The following COTL1 variants were observed in gnomAD, a reference collection of about 807,000 sequenced individuals.
COTL1 encodes the protein coactosin-like protein.
COTL1 carries 15 observed loss-of-function variants against 16.5 expected under a neutral mutation model. That is an observed-to-expected ratio of 0.91 (90% CI 0.61 to 1.40). The LOEUF (loss-of-function observed/expected upper bound fraction) is 1.40, where lower values mean the gene tolerates loss of function less well. Among genes scored for constraint, COTL1 ranks in the 40% most tolerant of loss-of-function variants. The probability of loss-of-function intolerance (pLI) is 0.00; values close to 1 mark genes in which losing one functional copy is unlikely to be tolerated. For missense variants in COTL1, 220 were observed against 201.5 expected, an observed-to-expected ratio of 1.09 and a Z score of -0.56; for synonymous variants, 112 against 85.3, an observed-to-expected ratio of 1.31 and a Z score of -1.73.
At chr16:84,607,813 G>A (rs1411938784) in intron 2 of COTL1, among the ~76,000 whole-genome samples, 1 of 152,138 alleles carries the variant, frequency 6.6e-6, no homozygotes, top group East Asian at 1.9e-4. Context: ...TCAGTACTTG[G>A]CAAAGGGCTT....
chr16:84,579,095 G>T (rs1161696573), intron 3 of COTL1, among the ~76,000 whole-genome samples: 1 of 151,894 alleles, frequency 6.6e-6, no homozygotes, highest in East Asian at 1.9e-4. Flanking sequence ...CCACACACAG[G>T]CATGCACACA....
At chr16:84,600,606 C>T (rs982044813) in intron 2 of COTL1, among the ~76,000 whole-genome samples, 2 of 152,224 alleles carry the variant, frequency 1.3e-5, no homozygotes, top group Non-Finnish European at 2.9e-5. Flanking sequence ...AGCCACTGCG[C>T]CCGGCCAAGG....
chr16:84,615,916 G>C (rs1008325419), intron 2 of COTL1: 1 of 151,508 alleles, frequency 6.6e-6, no homozygotes, highest in African/African-American at 2.4e-5. Context: ...TCCTCTAGTA[G>C]TCACACCACA....
At chr16:84,605,135 C>T (rs1308724720) in intron 2 of COTL1, among the ~76,000 whole-genome samples, 2 of 152,246 alleles carry the variant, frequency 1.3e-5, no homozygotes, top group East Asian at 3.9e-4. Flanking sequence ...CCCACGGCCC[C>T]CCATGGCCTG....
chr16:84,605,348 C>T (rs1905191423), intron 2 of COTL1, among the ~76,000 whole-genome samples: 1 of 152,212 alleles, frequency 6.6e-6, no homozygotes, highest in Non-Finnish European at 1.5e-5. Context: ...ACAGGGCCCG[C>T]GATGCTGGGT....
At chr16:84,570,871 G>C (rs899438194) in intron 3 of COTL1, among the ~76,000 whole-genome samples, 2 of 151,858 alleles carry the variant, frequency 1.3e-5, no homozygotes, top group African/African-American at 4.8e-5. Context: ...ATACCTAAAA[G>C]TCCTGTATTC....
rs1180701796 is a variant in COTL1, at chr16:84,617,965, G to A, written c.-51C>T. The A allele has an allele frequency of 8.0e-6, 11 of 1,373,828 alleles. No individual in the cohort carries two copies. In the East Asian group the frequency reaches 3.1e-4, roughly 38 times the overall value. The allele number at this position is 1,373,828 out of a possible 1,614,324, so 85.1% of individuals were successfully genotyped here. ...GTCCGGGGCGGCCGAGCGCGCCCCT[G>A]GCCGGCGGCGGGGATGGGAGCGCGG... On this transcript the variant is annotated 5_prime_UTR_variant, in exon 1 of 4. Coordinates refer to ENST00000262428, the MANE Select transcript of COTL1 (RefSeq NM_021149.5).
intron 3 of COTL1, among the ~76,000 whole-genome samples, chr16:84,585,738 T>C (rs1259204526): frequency 6.6e-6 from 1 of 152,196 alleles, no homozygotes; most frequent in Non-Finnish European, 1.5e-5. Flanking sequence ...ACCAGCAGAA[T>C]GGACCCTTTG....
At chr16:84,581,948 A>G (rs1904603688) in intron 3 of COTL1, among the ~76,000 whole-genome samples, 1 of 151,912 alleles carries the variant, frequency 6.6e-6, no homozygotes, top group Admixed American at 6.6e-5. Flanking sequence ...GGTAATACAC[A>G]AAGAGCCTAC....
At chr16:84,593,676 T>A (rs9646313) in intron 2 of COTL1, among the ~76,000 whole-genome samples, 1 of 151,836 alleles carries the variant, frequency 6.6e-6, no homozygotes, top group East Asian at 1.9e-4. Flanking sequence ...CACGCCCGGC[T>A]AATTTTTTGT....
intron 3 of COTL1, among the ~76,000 whole-genome samples, chr16:84,571,483 C>A (rs550673534): frequency 7.2e-5 from 11 of 152,294 alleles, no homozygotes; most frequent in African/African-American, 2.6e-4. Flanking sequence ...CCACTGCTCT[C>A]CACCCTTGCA....
intron 2 of COTL1, among the ~76,000 whole-genome samples, chr16:84,600,469 T>C (rs1386177703): frequency 6.6e-6 from 1 of 152,124 alleles, no homozygotes; most frequent in African/African-American, 2.4e-5. Flanking sequence ...CCTGCCACCA[T>C]GCTCGGCTAA....
intron 3 of COTL1, among the ~76,000 whole-genome samples, chr16:84,574,085 T>G (rs2150680907): frequency 6.6e-6 from 1 of 152,268 alleles, no homozygotes; most frequent in African/African-American, 2.4e-5. Context: ...GGAAGATCAC[T>G]TGAGCCTGGG....
chr16:84,589,004 T>C (rs1904798615), intron 3 of COTL1, among the ~76,000 whole-genome samples: 1 of 152,174 alleles, frequency 6.6e-6, no homozygotes, highest in Non-Finnish European at 1.5e-5. Context: ...AGGAATTCGC[T>C]CTGTTGCCCA....
chr16:84,606,957 C>T (rs1371959988), intron 2 of COTL1, among the ~76,000 whole-genome samples: 1 of 152,180 alleles, frequency 6.6e-6, no homozygotes, highest in Non-Finnish European at 1.5e-5. Flanking sequence ...AGTGGACAGC[C>T]AGCACGTGCT....
chr16:84,587,719 G>A (rs1378465680), intron 3 of COTL1, among the ~76,000 whole-genome samples: 3 of 152,110 alleles, frequency 2.0e-5, no homozygotes, highest in Admixed American at 6.5e-5. Flanking sequence ...CAGGAGGGAC[G>A]TCCAAAAGCG....
intron 2 of COTL1, chr16:84,616,436 G>A (rs898470950): frequency 1.3e-5 from 2 of 152,150 alleles, no homozygotes; most frequent in Non-Finnish European, 2.9e-5. Flanking sequence ...CCGGGAGACG[G>A]AGGTTGCAGT....
intron 3 of COTL1, among the ~76,000 whole-genome samples, chr16:84,585,582 T>C (rs886534632): frequency 6.6e-6 from 1 of 152,172 alleles, no homozygotes; most frequent in African/African-American, 2.4e-5. Flanking sequence ...GGAAGTGACC[T>C]GGTCCCCAAG....
At chr16:84,574,060 T>G (rs1202196187) in intron 3 of COTL1, among the ~76,000 whole-genome samples, 1 of 152,050 alleles carries the variant, frequency 6.6e-6, no homozygotes, top group Non-Finnish European at 1.5e-5. Context: ...CCCAGCTACT[T>G]GGGAGGCTGA....
Sources: gnomAD v4.1 joint callset for allele counts (sites outside exome capture counted in the v4.1 genomes callset) on GRCh38, gnomAD v4.1.1 for gene constraint, MANE v1.5 for transcripts, NCBI Gene and HGNC (gene_info 2026-07-23, HGNC 2026-07-21) for gene names.